SMURF1: variants seen among roughly 807,000 people sequenced by gnomAD.
SMURF1 encodes the protein SMAD specific E3 ubiquitin protein ligase 1, also known as E3 ubiquitin-protein ligase SMURF1.
Under a neutral mutation model 98.0 loss-of-function variants are expected in SMURF1, and 44 were observed. The ratio of observed to expected loss-of-function variants is 0.45; its 90% CI spans 0.35 to 0.58. The LOEUF (loss-of-function observed/expected upper bound fraction) is 0.58, where lower values mean the gene tolerates loss of function less well. SMURF1 is among the 20% of genes least tolerant of loss of function. The pLI is 0.00. For synonymous variants in SMURF1, 396 were observed against 374.9 expected (o/e 1.06, Z -0.65); for missense variants, 687 against 938.4 (o/e 0.73, Z 3.50).
chr7:99,047,663 C>T (rs774129145), intron 10 of SMURF1, 21 bp downstream of exon 10: 2 of 1,613,228 alleles, frequency 1.2e-6, no homozygotes, highest in Admixed American at 1.7e-5. Flanking sequence ...AGGGTCTGGG[C>T]AGTGGCCCTG....
At chr7:99,049,290 C>G (rs1401364709) in intron 9 of SMURF1, 1 of 391,728 alleles carries the variant, frequency 2.6e-6, no homozygotes, top group Non-Finnish European at 4.7e-6. Flanking sequence ...CGTGCGGAAA[C>G]TTCCTTCGTG....
chr7:99,112,271 T>G (rs1173307847), intron 1 of SMURF1, among the ~76,000 whole-genome samples: 1 of 152,226 alleles, frequency 6.6e-6, no homozygotes, highest in African/African-American at 2.4e-5. Context: ...AATGCCTGGC[T>G]GCACCTTGAA....
At chr7:99,059,271 G>A (rs1448493950) in intron 3 of SMURF1, among the ~76,000 whole-genome samples, 2 of 147,074 alleles carry the variant, frequency 1.4e-5, no homozygotes, top group African/African-American at 5.0e-5. Flanking sequence ...AGTGGCGGGC[G>A]CCTGTAGTCC....
intron 1 of SMURF1, among the ~76,000 whole-genome samples, chr7:99,063,828 G>A (rs1238716361): frequency 6.7e-6 from 1 of 150,226 alleles, no homozygotes; most frequent in African/African-American, 2.4e-5. Context: ...CCAGGCTGGA[G>A]TGCAGTGGCA....
At chr7:99,034,586 A>G (rs1309235489) in intron 16 of SMURF1, among the ~76,000 whole-genome samples, 1 of 152,018 alleles carries the variant, frequency 6.6e-6, no homozygotes, top group African/African-American at 2.4e-5. Context: ...AATCCCCATC[A>G]GCCAGGCTCT....
intron 1 of SMURF1, among the ~76,000 whole-genome samples, chr7:99,070,853 G>A (rs1796300212): frequency 6.6e-6 from 1 of 152,096 alleles, no homozygotes; most frequent in Non-Finnish European, 1.5e-5. Context: ...GCCACAATGT[G>A]ATGTGTCTGA....
At position 99,099,966 on chromosome 7, in the gene SMURF1, C is replaced by T. The variant is rs557590762; in HGVS notation, c.56-38129G>A. ...GGTATTCTGATACAGCAACTCTAAA[C>T]GAACTAGGACAGCCACCAGTGCCTT... is the stretch of plus-strand genomic sequence containing the variant. On this transcript the variant is annotated intron_variant, in intron 1 of 17. Transcript: ENST00000361368. 1.9e-4 allele frequency among the ~76,000 whole-genome samples: 29 copies of T among 152,244 alleles called. No homozygotes were observed. In the South Asian group the frequency reaches 4.6e-3, roughly 24 times the overall value.
rs927849257 is a variant in SMURF1, at chr7:99,039,261, G to A, written c.1551-736C>T. Among the ~76,000 whole-genome samples the A allele has an allele frequency of 2.0e-5, 3 of 149,272 alleles. No homozygotes were observed. The East Asian group carries it at 5.9e-4, about 29-fold the overall frequency. On this transcript the variant is annotated intron_variant, in intron 13 of 17. Transcript: ENST00000361368. ...AGAGGCAGCCTTCCCAAAGGCATCA[G>A]TTCAAACACAAAAGTACTCGAAAGT... is the stretch of plus-strand genomic sequence containing the variant.
chr7:99,034,577 A>T, intron 16 of SMURF1, among the ~76,000 whole-genome samples: 1 of 151,770 alleles, frequency 6.6e-6, no homozygotes. Context: ...GGGGCTAATA[A>T]TCCCCATCAG....
At chr7:99,132,701 C>G (rs1797897500) in intron 1 of SMURF1, among the ~76,000 whole-genome samples, 1 of 148,526 alleles carries the variant, frequency 6.7e-6, no homozygotes, top group African/African-American at 2.5e-5. Context: ...GACACACGGA[C>G]ACACACACAC....
At position 99,137,299 on chromosome 7, in the gene SMURF1, C is replaced by T. The variant is rs191337080; in HGVS notation, c.55+6427G>A. Among the ~76,000 whole-genome samples the T allele has an allele frequency of 1.9e-3, 289 of 152,262 alleles. 1 individual carries two copies. The highest frequency in any genetic ancestry group is 3.4e-3 in the Non-Finnish European group (233 of 68,018). ...TCCATCTCTAGCAGGTCCTTTTGTG[C>T]TCTAAAAAGACAGATCTCTGGCATT... On this transcript the variant is annotated intron_variant, in intron 1 of 17. Transcript: ENST00000361368.
At chr7:99,141,861 G>A (rs763328649) in intron 1 of SMURF1, among the ~76,000 whole-genome samples, 6 of 152,206 alleles carry the variant, frequency 3.9e-5, no homozygotes, top group Non-Finnish European at 7.3e-5. Context: ...CCAGGACTTT[G>A]GAGTTCTCAC....
intron 6 of SMURF1, among the ~76,000 whole-genome samples, chr7:99,053,550 T>C (rs1402620458): frequency 6.6e-6 from 1 of 152,242 alleles, no homozygotes; most frequent in Non-Finnish European, 1.5e-5. Flanking sequence ...TGAATATGAA[T>C]TGTTGACAGG....
chr7:99,128,823 T>A (rs1797800490), intron 1 of SMURF1, among the ~76,000 whole-genome samples: 1 of 152,216 alleles, frequency 6.6e-6, no homozygotes, highest in African/African-American at 2.4e-5. Flanking sequence ...ATAGCAACGA[T>A]GTCCAAAAAC....
At chr7:99,037,789 G>A (rs940944740) in intron 14 of SMURF1, among the ~76,000 whole-genome samples, 107 of 152,256 alleles carry the variant, frequency 7.0e-4, no homozygotes, top group African/African-American at 2.5e-3. Context: ...GGCGGCTCAC[G>A]CCTGCAATGC....
intron 1 of SMURF1, among the ~76,000 whole-genome samples, chr7:99,072,602 C>A (rs755260788): frequency 6.6e-6 from 1 of 152,116 alleles, no homozygotes; most frequent in Non-Finnish European, 1.5e-5. Flanking sequence ...AAGATTCTGC[C>A]ATTGGACTCC....
chr7:99,079,413 G>A (rs1049074570), intron 1 of SMURF1, among the ~76,000 whole-genome samples: 7 of 152,182 alleles, frequency 4.6e-5, no homozygotes, highest in Non-Finnish European at 4.4e-5. Flanking sequence ...GCTCGAAGGA[G>A]AAGCAGGAAA....
chr7:99,034,579 C>A (rs1309919221), intron 16 of SMURF1, among the ~76,000 whole-genome samples: 1 of 152,050 alleles, frequency 6.6e-6, no homozygotes, highest in African/African-American at 2.4e-5. Flanking sequence ...GGCTAATAAT[C>A]CCCATCAGCC....
intron 1 of SMURF1, among the ~76,000 whole-genome samples, chr7:99,136,721 C>A (rs1798000947): frequency 6.6e-6 from 1 of 152,060 alleles, no homozygotes; most frequent in African/African-American, 2.4e-5. Flanking sequence ...GAGGCTGAGG[C>A]AGGTGGATTG....
Sources: gnomAD v4.1 joint callset for allele counts (sites outside exome capture counted in the v4.1 genomes callset) on GRCh38, gnomAD v4.1.1 for gene constraint, MANE v1.5 for transcripts, NCBI Gene and HGNC (gene_info 2026-07-23, HGNC 2026-07-21) for gene names.